RORA: variants seen among roughly 807,000 people sequenced by gnomAD.
RORA encodes RAR related orphan receptor A.
A neutral mutation model predicts 69.5 loss-of-function variants in RORA; 7 were observed. The ratio of observed to expected loss-of-function variants is 0.10; its 90% CI spans 0.06 to 0.19. The LOEUF (loss-of-function observed/expected upper bound fraction) is 0.19. RORA is among the 10% of genes least tolerant of loss of function. The pLI, the probability that RORA is intolerant of heterozygous loss-of-function variation, is 1.00. For synonymous variants in RORA, 261 were observed against 240.8 expected, an observed-to-expected ratio of 1.08 and a Z score of -0.78; for missense variants, 457 against 663.0, an observed-to-expected ratio of 0.69 and a Z score of 3.41.
At chr15:60,889,080 C>A (rs2073783254) in intron 1 of RORA, among the ~76,000 whole-genome samples, 1 of 152,352 alleles carries the variant, frequency 6.6e-6, no homozygotes, top group African/African-American at 2.4e-5. Flanking sequence ...TTCTCTGCCA[C>A]CCCTAGCCCC....
At chr15:60,924,370 C>T (rs1206708124) in intron 1 of RORA, among the ~76,000 whole-genome samples, 7 of 61,190 alleles carry the variant, frequency 1.1e-4, no homozygotes, top group African/African-American at 2.2e-4. Context: ...CGCTAATATA[C>T]GCTTATAGTC....
intron 1 of RORA, among the ~76,000 whole-genome samples, chr15:61,127,860 AT>A (rs1320627671): frequency 1.6e-4 from 25 of 152,056 alleles, no homozygotes; most frequent in African/African-American, 5.1e-4. Context: ...GGCTCTCAAT[AT>A]TTTTAATTTA....
At chr15:60,913,042 T>C (rs1891774452) in intron 1 of RORA, among the ~76,000 whole-genome samples, 1 of 152,212 alleles carries the variant, frequency 6.6e-6, no homozygotes, top group South Asian at 2.1e-4. Flanking sequence ...TTTGAAAAGG[T>C]ATCACTGCTT....
Position 60,959,301 on chromosome 15 carries a change from T to C in RORA, c.166+269752A>G, listed in dbSNP as rs75341675. Reference sequence around the variant, plus strand: ...CAAAATATACATTAAAAAATCATTTTCCTGAAACATTCAAATAATTTCAAG... The same window carrying C: ...CAAAATATACATTAAAAAATCATTTCCCTGAAACATTCAAATAATTTCAAG... On this transcript the variant is annotated intron_variant, in intron 1 of 10. Coordinates refer to ENST00000335670, the MANE Select transcript of RORA (RefSeq NM_134261.3). 2.1e-3 allele frequency among the ~76,000 whole-genome samples: 315 copies of C among 152,338 alleles called. 1 individual carries two copies. The highest frequency in any genetic ancestry group is 7.4e-3 in the African/African-American group (309 of 41,570).
intron 1 of RORA, among the ~76,000 whole-genome samples, chr15:60,750,988 G>C (rs1002272731): frequency 6.6e-6 from 1 of 152,202 alleles, no homozygotes; most frequent in Admixed American, 6.5e-5. Flanking sequence ...CCACTGTGAG[G>C]ACTTGGCTGG....
At chr15:60,712,649 T>C (rs1410927438) in intron 1 of RORA, among the ~76,000 whole-genome samples, 4 of 152,214 alleles carry the variant, frequency 2.6e-5, no homozygotes, top group Admixed American at 2.0e-4. Flanking sequence ...GCTCTGGTAC[T>C]TGTTCCCGAG....
intron 1 of RORA, among the ~76,000 whole-genome samples, chr15:61,008,024 G>C (rs1223975063): frequency 1.3e-5 from 2 of 151,568 alleles, no homozygotes; most frequent in Non-Finnish European, 2.9e-5. Context: ...ATAGTATTTA[G>C]ATTTCACTAG....
At chr15:60,711,802 G>A (rs2071147868) in intron 1 of RORA, among the ~76,000 whole-genome samples, 1 of 152,150 alleles carries the variant, frequency 6.6e-6, no homozygotes, top group Non-Finnish European at 1.5e-5. Flanking sequence ...AACCCTGTCA[G>A]CAACCCACCT....
Position 60,526,579 on chromosome 15 carries a change from C to T in RORA, c.282+5187G>A, listed in dbSNP as rs894701924. On this transcript the variant is annotated intron_variant, in intron 3 of 10. Transcript: ENST00000335670. ...TTCATCACAGGACTGGAAGATTTAGCTAAACAAAAATTTTCGCTTACTGCC... is the reference window on the plus strand; with the variant it reads ...TTCATCACAGGACTGGAAGATTTAGTTAAACAAAAATTTTCGCTTACTGCC... Among the ~76,000 whole-genome samples, 4 of 152,182 alleles carry T rather than the reference C, an allele frequency of 2.6e-5. No individual in the cohort carries two copies. In the East Asian group the frequency reaches 7.7e-4, roughly 29 times the overall value.
chr15:60,609,415 CTT>C (rs1166145404), intron 2 of RORA, among the ~76,000 whole-genome samples: 3 of 152,144 alleles, frequency 2.0e-5, no homozygotes, highest in Non-Finnish European at 4.4e-5. Flanking sequence ...GGTTAAATGA[CTT>C]TTAAAAGTCT....
In RORA at chr15:60,893,431, C is replaced by T. The variant is rs190142374; in HGVS notation, c.167-214745G>A. On this transcript the variant is annotated intron_variant, in intron 1 of 10. Coordinates refer to ENST00000335670, the MANE Select transcript of RORA (RefSeq NM_134261.3). ...GGAGTTTCTCTGAAGGGTTTCTGGA[C>T]AACCAAACCCCCACTCCGCGCCCCT... 1.6e-4 allele frequency among the ~76,000 whole-genome samples: 24 copies of T among 152,300 alleles called. No individual in the cohort carries two copies. The East Asian group carries it at 4.6e-3, about 29-fold the overall frequency.
In RORA at chr15:61,119,087, G is replaced by GC. The variant is rs898092285; in HGVS notation, c.166+109965_166+109966insG. ...GGAAGATGCAGTTAACAGAAGGGGG[G>GC]GGGGGGCGCCATGGAGCAGTCGTGT... On this transcript the variant is annotated intron_variant, in intron 1 of 10. Coordinates refer to ENST00000335670, the MANE Select transcript of RORA (RefSeq NM_134261.3). Among the ~76,000 whole-genome samples, 9 of 134,250 alleles carry GC rather than the reference G, an allele frequency of 6.7e-5. 1 individual carries two copies. The highest frequency in any genetic ancestry group is 4.4e-4 in the East Asian group (2 of 4,560). 88.1% of individuals were successfully genotyped at this position (134,250 alleles called of 152,430 possible). A position where few individuals can be genotyped will look rare whatever the true frequency, so the allele number is the denominator to read the frequency against.
chr15:60,811,898 A>G (rs2072749705), intron 1 of RORA, among the ~76,000 whole-genome samples: 1 of 152,204 alleles, frequency 6.6e-6, no homozygotes, highest in South Asian at 2.1e-4. Context: ...ACAACTTTCC[A>G]TCTCAGGTTA....
At chr15:61,005,818 T>C (rs1017147384) in intron 1 of RORA, among the ~76,000 whole-genome samples, 2 of 152,106 alleles carry the variant, frequency 1.3e-5, no homozygotes, top group African/African-American at 4.8e-5. Flanking sequence ...AAACTTCCTC[T>C]CTTGGCCATG....
At chr15:60,536,216 A>G (rs774899816) in intron 2 of RORA, among the ~76,000 whole-genome samples, 1 of 152,244 alleles carries the variant, frequency 6.6e-6, no homozygotes, top group African/African-American at 2.4e-5. Flanking sequence ...CATAAATGAC[A>G]TACCATATAT....
intron 1 of RORA, among the ~76,000 whole-genome samples, chr15:60,716,029 C>T (rs1329036592): frequency 6.6e-6 from 1 of 152,188 alleles, no homozygotes; most frequent in Non-Finnish European, 1.5e-5. Context: ...GCCTCTAGGC[C>T]AGTGCTTTTC....
chr15:61,127,796 A>G (rs2079156083), intron 1 of RORA, among the ~76,000 whole-genome samples: 1 of 152,192 alleles, frequency 6.6e-6, no homozygotes, highest in South Asian at 2.1e-4. Context: ...CAGATCACCC[A>G]GCACAACTCC....
chr15:61,024,460 T>C (rs960652234), intron 1 of RORA, among the ~76,000 whole-genome samples: 15 of 149,848 alleles, frequency 1.0e-4, no homozygotes, highest in African/African-American at 3.7e-4. Context: ...TGTTTTTTTT[T>C]TTTTTTGAGA....
chr15:60,865,573 C>G (rs926868432), intron 1 of RORA, among the ~76,000 whole-genome samples: 3 of 152,172 alleles, frequency 2.0e-5, no homozygotes, highest in African/African-American at 7.2e-5. Context: ...GGGTGAGCGT[C>G]CTCTGTAGAC....
Sources: gnomAD v4.1 joint callset for allele counts (sites outside exome capture counted in the v4.1 genomes callset) on GRCh38, gnomAD v4.1.1 for gene constraint, MANE v1.5 for transcripts, NCBI Gene and HGNC (gene_info 2026-07-23, HGNC 2026-07-21) for gene names.